Variants in MPP7 observed in about 807,000 individuals in gnomAD.
MPP7 encodes MAGUK p55 scaffold protein 7.
Under a neutral mutation model 76.5 loss-of-function variants are expected in MPP7, and 60 were observed. That is an observed-to-expected ratio of 0.78 (90% confidence interval 0.64 to 0.97). The LOEUF is 0.97. Ranked by LOEUF, MPP7 falls within the 50% of genes least tolerant of loss-of-function variation. The pLI is 0.00. For synonymous variants in MPP7, 237 were observed against 244.5 expected (o/e 0.97, Z 0.29); for missense variants, 641 against 694.0 (o/e 0.92, Z 0.86).
At chr10:28,159,076 T>C (rs187408636) in intron 3 of MPP7, among the ~76,000 whole-genome samples, 210 of 152,264 alleles carry the variant, frequency 1.4e-3, no homozygotes, top group African/African-American at 4.9e-3. Flanking sequence ...CACAAAGGAA[T>C]ACTAAATTGA....
chr10:28,266,196 G>A (rs1422726051), intron 1 of MPP7, among the ~76,000 whole-genome samples: 1 of 152,082 alleles, frequency 6.6e-6, no homozygotes, highest in East Asian at 1.9e-4. Flanking sequence ...CTGACCTCAA[G>A]TGATCCACCC....
chr10:28,087,383 A>G (rs982348025), intron 12 of MPP7, among the ~76,000 whole-genome samples: 1 of 151,910 alleles, frequency 6.6e-6, no homozygotes, highest in African/African-American at 2.4e-5. Context: ...AGACTAACAC[A>G]TGCCTTTTTT....
intron 3 of MPP7, among the ~76,000 whole-genome samples, chr10:28,190,245 C>G (rs1275523127): frequency 6.6e-6 from 1 of 152,018 alleles, no homozygotes; most frequent in Non-Finnish European, 1.5e-5. Flanking sequence ...CACCCGCTAT[C>G]AGTCAGTAAT....
intron 1 of MPP7, among the ~76,000 whole-genome samples, chr10:28,330,867 CCCA>C (rs1247921246): frequency 6.6e-6 from 1 of 152,086 alleles, no homozygotes; most frequent in East Asian, 1.9e-4. Context: ...CCCCATGTTG[CCCA>C]GACTAGTCTC....
intron 1 of MPP7, among the ~76,000 whole-genome samples, chr10:28,275,410 CTT>C (rs111692769): frequency 3.5e-5 from 5 of 141,616 alleles, no homozygotes; most frequent in Non-Finnish European, 3.1e-5. Flanking sequence ...CCTAATATTT[CTT>C]TTTTTTTTTT....
chr10:28,299,926 C>T (rs1841115350), intron 1 of MPP7, among the ~76,000 whole-genome samples: 1 of 152,030 alleles, frequency 6.6e-6, no homozygotes, highest in Admixed American at 6.6e-5. Context: ...ACCACCACGC[C>T]CGGCTAATTT....
chr10:28,063,733 G>A (rs1455206702), intron 13 of MPP7, among the ~76,000 whole-genome samples: 5 of 152,136 alleles, frequency 3.3e-5, no homozygotes, highest in Non-Finnish European at 7.3e-5. Flanking sequence ...GATGATCTGA[G>A]GTGGAACAGT....
intron 3 of MPP7, among the ~76,000 whole-genome samples, chr10:28,157,673 C>A (rs1007441126): frequency 2.0e-5 from 3 of 152,174 alleles, no homozygotes; most frequent in African/African-American, 4.8e-5. Flanking sequence ...TCAGGTTCCA[C>A]CCACAGGGAC....
At chr10:28,226,822 T>G (rs1216493151) in intron 2 of MPP7, among the ~76,000 whole-genome samples, 1 of 152,142 alleles carries the variant, frequency 6.6e-6, no homozygotes, top group South Asian at 2.1e-4. Context: ...GATTCTAAAA[T>G]GAGCAATGAA....
intron 2 of MPP7, among the ~76,000 whole-genome samples, chr10:28,223,331 G>C (rs1428116363): frequency 6.6e-6 from 1 of 152,168 alleles, no homozygotes; most frequent in African/African-American, 2.4e-5. Flanking sequence ...CAAGAGACCA[G>C]ATTAATTCTT....
intron 6 of MPP7, among the ~76,000 whole-genome samples, chr10:28,126,029 C>A (rs376464535): frequency 3.4e-4 from 52 of 152,278 alleles, no homozygotes; most frequent in African/African-American, 1.2e-3. Flanking sequence ...AAATTTTTCT[C>A]CAGTTTGTCA....
At chr10:28,264,498 C>G (rs1000732475) in intron 1 of MPP7, among the ~76,000 whole-genome samples, 3 of 151,854 alleles carry the variant, frequency 2.0e-5, no homozygotes, top group African/African-American at 7.3e-5. Context: ...TAAATTAGAC[C>G]GTCCTGGTGT....
intron 1 of MPP7, among the ~76,000 whole-genome samples, chr10:28,258,995 A>G (rs889365236): frequency 6.6e-6 from 1 of 152,206 alleles, no homozygotes; most frequent in Non-Finnish European, 1.5e-5. Context: ...ACTTTTACTC[A>G]GAGAATGAGA....
intron 11 of MPP7, among the ~76,000 whole-genome samples, chr10:28,106,654 A>G (rs1834334166): frequency 6.6e-6 from 1 of 152,208 alleles, no homozygotes; most frequent in South Asian, 2.1e-4. Flanking sequence ...CTGCCTATAA[A>G]AATGATCATA....
intron 14 of MPP7, 83 bp from the exon 15 acceptor site, chr10:28,058,686 G>A (rs12570424): frequency 0.28 from 176,615 of 639,612 alleles, 29,987 homozygotes; most frequent in East Asian, 0.66. Context: ...GGTAAAAGAC[G>A]TTTCTGCTGA....
chr10:28,278,367 A>G (rs908412149), intron 1 of MPP7, among the ~76,000 whole-genome samples: 11 of 152,110 alleles, frequency 7.2e-5, no homozygotes, highest in African/African-American at 2.7e-4. Context: ...GGAAGTTTCC[A>G]CCAAACATCA....
chr10:28,226,698 TCA>T (rs1289999463), intron 2 of MPP7, among the ~76,000 whole-genome samples: 1 of 152,174 alleles, frequency 6.6e-6, no homozygotes, highest in Non-Finnish European at 1.5e-5. Context: ...AAATTTTATA[TCA>T]CACATATTTT....
chr10:28,173,746 T>C (rs541619884), intron 3 of MPP7, among the ~76,000 whole-genome samples: 1 of 152,226 alleles, frequency 6.6e-6, no homozygotes, highest in East Asian at 1.9e-4. Context: ...GGAAAAACAC[T>C]AGTGAAAGAT....
chr10:28,291,925 G>A lies in MPP7; in HGVS notation c.-132+10936C>T, dbSNP rs573154966. 4.9e-4 allele frequency among the ~76,000 whole-genome samples: 75 copies of A among 152,306 alleles called. 1 individual carries two copies. In the South Asian group the frequency reaches 0.015, roughly 31 times the overall value. The stretch of plus-strand genomic sequence containing the variant: ...GTGCTTATAACGTCTACAGTAGTGA[G>A]TGTACAGTCATGCCCTAGGCCTTCA... On this transcript the variant is annotated intron_variant, in intron 1 of 16. Coordinates refer to ENST00000683449, the MANE Select transcript of MPP7 (RefSeq NM_001318170.2).
Sources: gnomAD v4.1 joint callset for allele counts (sites outside exome capture counted in the v4.1 genomes callset) on GRCh38, gnomAD v4.1.1 for gene constraint, MANE v1.5 for transcripts, NCBI Gene and HGNC (gene_info 2026-07-23, HGNC 2026-07-21) for gene names.